The following LHX8 variants were observed in gnomAD, a reference collection of about 807,000 sequenced individuals.
The protein encoded by LHX8 is LIM homeobox 8.
Under a neutral mutation model 40.3 loss-of-function variants are expected in LHX8, and 12 were observed. The observed-to-expected ratio is 0.30, with a 90% CI of 0.19 to 0.48. The LOEUF (loss-of-function observed/expected upper bound fraction) is 0.48, where lower values mean the gene tolerates loss of function less well. LHX8 is among the 20% of genes least tolerant of loss of function. The probability of loss-of-function intolerance (pLI) is 0.99; values close to 1 mark genes in which losing one functional copy is unlikely to be tolerated. For synonymous variants in LHX8, 179 were observed against 162.0 expected, an observed-to-expected ratio of 1.10 and a Z score of -0.80; for missense variants, 344 against 433.7, an observed-to-expected ratio of 0.79 and a Z score of 1.84.
the LHX8 span, among the ~76,000 whole-genome samples, chr1:75,185,508 A>T: frequency 6.6e-6 from 1 of 152,088 alleles, no homozygotes; most frequent in Non-Finnish European, 1.5e-5. Context: ...AACACATATG[A>T]TTACCTCAAT....
chr1:75,176,288 A>G, the LHX8 span, among the ~76,000 whole-genome samples: 2 of 152,232 alleles, frequency 1.3e-5, no homozygotes, highest in Non-Finnish European at 2.9e-5. Flanking sequence ...ACTCCCACCA[A>G]CAGGGTAAAC....
chr1:75,152,591 T>C (rs1203436064), intron 7 of LHX8, among the ~76,000 whole-genome samples: 1 of 152,240 alleles, frequency 6.6e-6, no homozygotes, highest in Non-Finnish European at 1.5e-5. Flanking sequence ...ATGAGCAACA[T>C]TGTATATCTA....
rs1234495179 is a variant in LHX8 at position 75,156,975 on chromosome 1, C to T, written c.863C>T (p.Pro288Leu). The T allele has an allele frequency of 1.2e-6, 2 of 1,614,160 alleles. No individual in the cohort carries two copies. Among genetic ancestry groups the T allele is most frequent in the South Asian group, 2.2e-5 (2 of 91,082 alleles). Residue 288 changes from proline to leucine, a missense_variant, in exon 8 of 9, where the codon CCA becomes CTA. Coordinates refer to ENST00000356261, the MANE Select transcript of LHX8 (RefSeq NM_001256114.2). ...TCCTCCACCCCAGTCACAGCAGTCC[C>T]ACCCTCCAGGCTGTCTCCACCCATG... The part of the protein sequence containing the change: ...HSSSTPVTAV[P>L]PSRLSPPMLE...
At position 75,161,037 on chromosome 1, in the gene LHX8, T is replaced by C; in HGVS notation, c.*142T>C. ...CATCACTTTGCTGCCCAGGTATGTA[T>C]CTATAGTTGGCCTGCAAGACACTTT... On this transcript the variant is annotated 3_prime_UTR_variant, in exon 9 of 9. Transcript: ENST00000356261. 1.5e-6 allele frequency: 1 copy of C among 655,222 alleles called. No homozygotes were observed. The highest frequency in any genetic ancestry group is 1.8e-5 in the South Asian group (1 of 56,374). 40.6% of individuals were successfully genotyped at this position (655,222 alleles called of 1,614,324 possible).
downstream of LHX8, among the ~76,000 whole-genome samples, chr1:75,162,305 G>A (rs900844712): frequency 2.6e-5 from 4 of 151,538 alleles, no homozygotes; most frequent in African/African-American, 7.3e-5. Context: ...GTAGCCAGAA[G>A]TCAACCCATC....
chr1:75,168,270 T>C, the LHX8 span, among the ~76,000 whole-genome samples: 1 of 152,194 alleles, frequency 6.6e-6, no homozygotes, highest in East Asian at 1.9e-4. Flanking sequence ...TTGCCCAGGC[T>C]GGAGTGCAAT....
At chr1:75,166,401 A>G (rs1190957424), downstream of LHX8, among the ~76,000 whole-genome samples, 1 of 152,238 alleles carries the variant, frequency 6.6e-6, no homozygotes, top group African/African-American at 2.4e-5. Flanking sequence ...AATGATTTGA[A>G]TGTTTTCCAA....
intron 7 of LHX8, among the ~76,000 whole-genome samples, chr1:75,149,604 G>A (rs935159832): frequency 1.3e-5 from 2 of 152,162 alleles, no homozygotes; most frequent in African/African-American, 2.4e-5. Flanking sequence ...AGGCTGGAGT[G>A]CAGTGACGCA....
chr1:75,192,631 T>C, the LHX8 span, among the ~76,000 whole-genome samples: 1 of 152,184 alleles, frequency 6.6e-6, no homozygotes, highest in Non-Finnish European at 1.5e-5. Context: ...TTTCATAACA[T>C]TTTAAGTAAT....
At chr1:75,175,791 T>G in the LHX8 span, among the ~76,000 whole-genome samples, 3 of 152,148 alleles carry the variant, frequency 2.0e-5, no homozygotes, top group Non-Finnish European at 4.4e-5. Flanking sequence ...TCATTTACAT[T>G]AGGTATTTCT....
intron 4 of LHX8, among the ~76,000 whole-genome samples, 179 bp from the exon 5 acceptor site, chr1:75,142,939 A>G (rs568359118): frequency 3.9e-5 from 6 of 152,230 alleles, no homozygotes; most frequent in East Asian, 1.9e-4. Flanking sequence ...ACCCTATCTC[A>G]TCTTGATTTC....
At chr1:75,151,599 A>G (rs766164201) in intron 7 of LHX8, among the ~76,000 whole-genome samples, 57 of 152,334 alleles carry the variant, frequency 3.7e-4, no homozygotes, top group Non-Finnish European at 7.6e-4. Context: ...TCATTATTGA[A>G]AGGCTACACA....
chr1:75,164,050 T>C (rs2100371396), downstream of LHX8, among the ~76,000 whole-genome samples: 1 of 152,354 alleles, frequency 6.6e-6, no homozygotes, highest in Non-Finnish European at 1.5e-5. Context: ...CCCTGTCTGA[T>C]ATTTTGTTAT....
intron 7 of LHX8, 28 bp from the exon 8 acceptor site, chr1:75,156,865 T>C (rs375641758): frequency 1.2e-6 from 2 of 1,610,750 alleles, no homozygotes; most frequent in Non-Finnish European, 1.7e-6. Context: ...GTAACCTACC[T>C]ACTTCTGTTG....
chr1:75,192,856 C>G, the LHX8 span, among the ~76,000 whole-genome samples: 1 of 151,954 alleles, frequency 6.6e-6, no homozygotes, highest in Non-Finnish European at 1.5e-5. Flanking sequence ...TCACACCAGG[C>G]TAATTTTTGT....
At chr1:75,194,167 T>C in the LHX8 span, among the ~76,000 whole-genome samples, 1 of 152,200 alleles carries the variant, frequency 6.6e-6, no homozygotes, top group Non-Finnish European at 1.5e-5. Flanking sequence ...TTATTGAGGG[T>C]AACTCCAACT....
At chr1:75,155,138 T>C (rs1648720327) in intron 7 of LHX8, among the ~76,000 whole-genome samples, 1 of 152,168 alleles carries the variant, frequency 6.6e-6, no homozygotes, top group Non-Finnish European at 1.5e-5. Flanking sequence ...TCATGCTAAG[T>C]TTTTATCCCT....
chr1:75,189,915 A>G, the LHX8 span, among the ~76,000 whole-genome samples: 2 of 152,238 alleles, frequency 1.3e-5, no homozygotes, highest in Non-Finnish European at 2.9e-5. Flanking sequence ...CAACTGTTCA[A>G]TGCTATTTAC....
intron 7 of LHX8, among the ~76,000 whole-genome samples, chr1:75,153,180 A>G (rs1648657231): frequency 6.6e-6 from 1 of 151,932 alleles, no homozygotes; most frequent in Non-Finnish European, 1.5e-5. Flanking sequence ...ATCTCAGCTC[A>G]CTTCAACCTC....
Sources: gnomAD v4.1 joint callset for allele counts (sites outside exome capture counted in the v4.1 genomes callset) on GRCh38, gnomAD v4.1.1 for gene constraint, MANE v1.5 for transcripts, NCBI Gene and HGNC (gene_info 2026-07-23, HGNC 2026-07-21) for gene names.